The following TTC28 variants were observed in gnomAD, a reference collection of about 807,000 sequenced individuals.
TTC28 encodes the protein tetratricopeptide repeat domain 28, also known as tetratricopeptide repeat protein 28.
A neutral mutation model predicts 198.0 loss-of-function variants in TTC28; 61 were observed. That is an observed-to-expected ratio of 0.31 (90% CI 0.25 to 0.38). TTC28 has a LOEUF of 0.38. TTC28 is among the 10% of genes least tolerant of loss of function. The probability of loss-of-function intolerance (pLI) is 1.00; values close to 1 mark genes in which losing one functional copy is unlikely to be tolerated. For missense variants in TTC28, 2,678 were observed against 3,164.0 expected (o/e 0.85, Z 3.69); for synonymous variants, 1,171 against 1,297.8 (o/e 0.90, Z 2.10).
intron 2 of TTC28, among the ~76,000 whole-genome samples, chr22:28,395,545 T>TG (rs755836620): frequency 6.9e-6 from 1 of 145,268 alleles, no homozygotes; most frequent in Non-Finnish European, 1.5e-5. Context: ...GGCAGGCGAA[T>TG]GGCATAAACC....
At chr22:28,577,683 T>A (rs772195276) in intron 2 of TTC28, among the ~76,000 whole-genome samples, 39 of 152,178 alleles carry the variant, frequency 2.6e-4, no homozygotes, top group Non-Finnish European at 3.2e-4. Context: ...TGCTATATCC[T>A]CTTGCTGAAC....
At chr22:28,437,186 G>A (rs529881207) in intron 2 of TTC28, among the ~76,000 whole-genome samples, 5 of 152,032 alleles carry the variant, frequency 3.3e-5, no homozygotes, top group East Asian at 1.9e-4. Flanking sequence ...GGGTTCAAGC[G>A]ATTCTCGTGC....
intron 2 of TTC28, among the ~76,000 whole-genome samples, chr22:28,487,195 A>T (rs1375104322): frequency 6.6e-6 from 1 of 152,052 alleles, no homozygotes; most frequent in Non-Finnish European, 1.5e-5. Context: ...TTTTTATAGC[A>T]CATGGGACTT....
chr22:28,036,698 A>C (rs1939368469), intron 12 of TTC28, among the ~76,000 whole-genome samples: 1 of 152,218 alleles, frequency 6.6e-6, no homozygotes, highest in South Asian at 2.1e-4. Flanking sequence ...TAGAGACATA[A>C]AAAACCCTTT....
At chr22:28,451,998 C>A (rs1178291175) in intron 2 of TTC28, among the ~76,000 whole-genome samples, 1 of 151,974 alleles carries the variant, frequency 6.6e-6, no homozygotes, top group Non-Finnish European at 1.5e-5. Flanking sequence ...GTGGTAGTGA[C>A]TGTGTGTATG....
In TTC28 at chr22:27,983,013, A is replaced by G. The variant is rs1390324697; in HGVS notation, c.6654T>C (p.Val2218=). Residue 2218 remains valine (V), a synonymous_variant, in exon 23 of 23, where the codon GTT becomes GTC. Coordinates refer to ENST00000397906, the MANE Select transcript of TTC28 (RefSeq NM_001145418.2). ...ATGGCTGACTCTTCTGATGGGAGAG[A>G]ACAGGCCTGCTGAACGCACTGGTTT... ...ASETSAFSRP[V]LSHQKSQPSP... The G allele has an allele frequency of 6.4e-7, 1 of 1,551,444 alleles. No homozygotes were observed. The highest frequency in any genetic ancestry group is 1.4e-5 in the African/African-American group (1 of 72,992).
At chr22:28,106,132 C>T (rs1015325981) in intron 7 of TTC28, among the ~76,000 whole-genome samples, 1 of 152,208 alleles carries the variant, frequency 6.6e-6, no homozygotes, top group Non-Finnish European at 1.5e-5. Context: ...ATTTCCACTA[C>T]CGCTTAGACT....
intron 12 of TTC28, among the ~76,000 whole-genome samples, chr22:28,080,792 T>A (rs1376339712): frequency 1.3e-5 from 2 of 152,222 alleles, no homozygotes; most frequent in Admixed American, 1.3e-4. Flanking sequence ...TCCTCTATGT[T>A]TTCCTTTAGG....
chr22:28,401,220 TGAC>T (rs1011645743), intron 2 of TTC28, among the ~76,000 whole-genome samples: 2 of 151,600 alleles, frequency 1.3e-5, no homozygotes, highest in African/African-American at 2.4e-5. Flanking sequence ...ACGATGACGA[TGAC>T]GACGACGATG....
intron 5 of TTC28, among the ~76,000 whole-genome samples, chr22:28,267,976 C>A (rs1931793578): frequency 6.6e-6 from 1 of 152,090 alleles, no homozygotes; most frequent in Admixed American, 6.6e-5. Flanking sequence ...AGGTATTTTA[C>A]CTTATTTAAA....
At chr22:28,643,804 A>G (rs993457951) in intron 1 of TTC28, among the ~76,000 whole-genome samples, 4 of 152,330 alleles carry the variant, frequency 2.6e-5, no homozygotes, top group African/African-American at 9.6e-5. Context: ...CCAAATAAGG[A>G]TAAGAATTAT....
chr22:28,491,355 A>G (rs2048374639), intron 2 of TTC28, among the ~76,000 whole-genome samples: 1 of 152,216 alleles, frequency 6.6e-6, no homozygotes, highest in Non-Finnish European at 1.5e-5. Flanking sequence ...TTTGCAATCT[A>G]CTTATCTGAC....
intron 2 of TTC28, among the ~76,000 whole-genome samples, chr22:28,333,332 G>GTCC (rs1475877274): frequency 6.6e-6 from 1 of 152,032 alleles, no homozygotes; most frequent in Non-Finnish European, 1.5e-5. Context: ...GAGAATGAGG[G>GTCC]CCTCTTAATT....
intron 6 of TTC28, among the ~76,000 whole-genome samples, chr22:28,158,154 C>T (rs1943795307): frequency 6.6e-6 from 1 of 152,008 alleles, no homozygotes; most frequent in South Asian, 2.1e-4. Flanking sequence ...AGAAAGGAAT[C>T]TCATTTACAA....
intron 2 of TTC28, among the ~76,000 whole-genome samples, chr22:28,360,175 C>T (rs1252473545): frequency 6.6e-6 from 1 of 152,122 alleles, no homozygotes; most frequent in African/African-American, 2.4e-5. Flanking sequence ...CATCTTGAAG[C>T]AGCCAGGATC....
chr22:28,194,414 G>A (rs1162894837), intron 5 of TTC28, among the ~76,000 whole-genome samples: 6 of 152,056 alleles, frequency 3.9e-5, no homozygotes, highest in Admixed American at 3.9e-4. Context: ...CTAACAGAAG[G>A]CAAGAAATAA....
chr22:28,078,750 C>T lies in TTC28; in HGVS notation c.3932+15330G>A, dbSNP rs138311373. 9.3e-4 allele frequency among the ~76,000 whole-genome samples: 141 copies of T among 152,266 alleles called. 1 individual carries two copies. The highest frequency in any genetic ancestry group is 3.1e-3 in the African/African-American group (128 of 41,550). ...GTTCATGCAAACATTTCTTAAGCAT[C>T]TACTATGTTCCTGAGCTGCCCTAGA... On this transcript the variant is annotated intron_variant, in intron 12 of 22. Transcript: ENST00000397906.
intron 12 of TTC28, among the ~76,000 whole-genome samples, chr22:28,047,662 G>A (rs1174385361): frequency 6.6e-6 from 1 of 152,292 alleles, no homozygotes; most frequent in East Asian, 1.9e-4. Context: ...CAAGTGGGTG[G>A]CAGAGGAGGT....
intron 6 of TTC28, among the ~76,000 whole-genome samples, chr22:28,110,048 G>A (rs1468134784): frequency 6.6e-6 from 1 of 152,204 alleles, no homozygotes; most frequent in East Asian, 1.9e-4. Context: ...GGCAGCAGGG[G>A]TAGAAAGAAG....
Sources: gnomAD v4.1 joint callset for allele counts (sites outside exome capture counted in the v4.1 genomes callset) on GRCh38, gnomAD v4.1.1 for gene constraint, MANE v1.5 for transcripts, NCBI Gene and HGNC (gene_info 2026-07-23, HGNC 2026-07-21) for gene names.